Variants in STARD8 observed in about 807,000 individuals in gnomAD.
The protein encoded by STARD8 is StAR related lipid transfer domain containing 8, also known as stAR-related lipid transfer protein 8.
In STARD8, 25 loss-of-function variants were observed where a neutral mutation model predicts 69.4. That is an observed-to-expected ratio of 0.36 (90% CI 0.26 to 0.50). The LOEUF (loss-of-function observed/expected upper bound fraction) is 0.50. STARD8 is among the 20% of genes least tolerant of loss of function. STARD8 has a pLI of 0.96. For missense variants in STARD8, 921 were observed against 932.5 expected, an observed-to-expected ratio of 0.99 and a Z score of 0.16; for synonymous variants, 389 against 374.6, an observed-to-expected ratio of 1.04 and a Z score of -0.45.
At chrX:68,653,224 ACAC>A (rs765949269) in intron 1 of STARD8, among the ~76,000 whole-genome samples, 77 of 53,664 alleles carry the variant, frequency 1.4e-3, no homozygotes, top group African/African-American at 5.1e-3. Context: ...CACAACATAC[ACAC>A]CACACCACAC....
intron 2 of STARD8, among the ~76,000 whole-genome samples, chrX:68,690,434 G>T (rs1044710818): frequency 1.1e-4 from 12 of 107,772 alleles, no homozygotes; most frequent in East Asian, 5.8e-4. Context: ...AGGCAGGCAG[G>T]GCGGGGGGAC....
At chrX:68,723,521 C>T in intron 12 of STARD8, 105 bp from the exon 13 acceptor site, 1 of 697,698 alleles carries the variant, frequency 1.4e-6, no homozygotes, top group Non-Finnish European at 2.1e-6. Context: ...CTGCAGCCTA[C>T]CCTATTAAGC....
intron 2 of STARD8, among the ~76,000 whole-genome samples, chrX:68,690,447 T>C (rs2079869178): frequency 9.1e-6 from 1 of 109,402 alleles, no homozygotes; most frequent in Admixed American, 9.6e-5. Context: ...GGGGGGACTG[T>C]TGGGAGTCCT....
intron 1 of STARD8, among the ~76,000 whole-genome samples, chrX:68,663,852 G>A (rs956645009): frequency 4.5e-5 from 5 of 111,580 alleles, no homozygotes; most frequent in Non-Finnish European, 9.4e-5. Context: ...TGGTCACGCC[G>A]ATCTCATTCT....
At chrX:68,724,218 C>A in intron 14 of STARD8, 87 bp from the exon 15 acceptor site, 1 of 1,173,794 alleles carries the variant, frequency 8.5e-7, no homozygotes, top group Non-Finnish European at 1.2e-6. Flanking sequence ...ATCCCTGGGG[C>A]TGGGGACAAG....
At chrX:68,686,825 C>G (rs2079836317) in intron 2 of STARD8, among the ~76,000 whole-genome samples, 1 of 112,080 alleles carries the variant, frequency 8.9e-6, no homozygotes, top group African/African-American at 3.2e-5. Context: ...ATCCTCTTAT[C>G]CCAGCAGTCT....
intron 1 of STARD8, among the ~76,000 whole-genome samples, chrX:68,662,001 T>C (rs2079653265): frequency 1.0e-5 from 1 of 96,031 alleles, no homozygotes; most frequent in Non-Finnish European, 2.0e-5. Context: ...TCTTTCTTTC[T>C]TTCTTTCTTT....
chrX:68,648,334 G>A (rs915833570), intron 1 of STARD8, among the ~76,000 whole-genome samples: 79 of 112,240 alleles, frequency 7.0e-4, no homozygotes, highest in African/African-American at 2.4e-3. Context: ...GATAATGTGT[G>A]TAAGCTTCCT....
At chrX:68,689,186 G>C (rs907168686) in intron 2 of STARD8, among the ~76,000 whole-genome samples, 3 of 105,592 alleles carry the variant, frequency 2.8e-5, no homozygotes, top group Non-Finnish European at 3.9e-5. Context: ...GTGGGGCACC[G>C]GGGTGGACAT....
intron 2 of STARD8, among the ~76,000 whole-genome samples, chrX:68,679,376 C>T (rs1361487892): frequency 9.0e-6 from 1 of 111,702 alleles, no homozygotes; most frequent in Non-Finnish European, 1.9e-5. Context: ...GGCTCTTCCC[C>T]ACCCACTGAT....
At chrX:68,690,461 G>T (rs1424729753) in intron 2 of STARD8, among the ~76,000 whole-genome samples, 2 of 110,313 alleles carry the variant, frequency 1.8e-5, no homozygotes, top group South Asian at 3.9e-4. Flanking sequence ...GAGTCCTCAG[G>T]TAGGCCCTTA....
At chrX:68,715,583 C>T (rs1463443509) in intron 4 of STARD8, among the ~76,000 whole-genome samples, 2 of 112,574 alleles carry the variant, frequency 1.8e-5, no homozygotes, top group Admixed American at 9.3e-5. Context: ...CAAGATCTGG[C>T]CTTGTTTCTT....
intron 1 of STARD8, among the ~76,000 whole-genome samples, chrX:68,652,835 A>C (rs1322778486): frequency 1.2e-3 from 47 of 40,708 alleles, no homozygotes; most frequent in African/African-American, 4.0e-3. Context: ...CCCACACCCC[A>C]CACACACCCC....
intron 2 of STARD8, among the ~76,000 whole-genome samples, chrX:68,703,300 G>A (rs757572623): frequency 8.9e-6 from 1 of 112,144 alleles, no homozygotes; most frequent in African/African-American, 3.2e-5. Flanking sequence ...TGACAAATAG[G>A]CTACGTCTTC....
intron 2 of STARD8, among the ~76,000 whole-genome samples, chrX:68,712,473 G>C (rs1167385848): frequency 8.9e-6 from 1 of 112,740 alleles, no homozygotes; most frequent in East Asian, 2.8e-4. Flanking sequence ...GAGAATGATA[G>C]GAATGGTTGA....
At chrX:68,653,123 ACACACACACCACACAC>A (rs2079574020) in intron 1 of STARD8, among the ~76,000 whole-genome samples, 2 of 46,639 alleles carry the variant, frequency 4.3e-5, no homozygotes, top group African/African-American at 9.1e-5. Context: ...ACCACACACC[ACACACACACCACACAC>A]CACACACACC....
intron 2 of STARD8, among the ~76,000 whole-genome samples, chrX:68,679,687 C>A (rs1030719624): frequency 2.7e-5 from 3 of 112,239 alleles, no homozygotes; most frequent in Non-Finnish European, 3.8e-5. Context: ...TGAGACAAAG[C>A]CCTATCCACA....
intron 10 of STARD8, 132 bp from the exon 11 acceptor site, chrX:68,721,915 C>G (rs888514015): frequency 5.0e-6 from 4 of 794,722 alleles, no homozygotes; most frequent in Non-Finnish European, 5.4e-6. Context: ...GCAGGGCCTT[C>G]CAAAAGGCAG....
chrX:68,689,669 C>T lies in STARD8; in HGVS notation c.80-23245C>T, dbSNP rs558712907. On this transcript the variant is annotated intron_variant, in intron 2 of 14. Coordinates refer to ENST00000374599, the MANE Select transcript of STARD8 (RefSeq NM_001142503.3). ...TGAATCTCCCCTGGCCTGGGCCTGGCTGGGCCTGTGCTCCAGAGTCCCTCA... is the reference window on the plus strand; with the variant it reads ...TGAATCTCCCCTGGCCTGGGCCTGGTTGGGCCTGTGCTCCAGAGTCCCTCA... Among the ~76,000 whole-genome samples the T allele has an allele frequency of 5.8e-3, 649 of 112,238 alleles. 2 individuals carry two copies. The highest frequency in any genetic ancestry group is 0.02 in the African/African-American group (614 of 30,888).
Sources: gnomAD v4.1 joint callset for allele counts (sites outside exome capture counted in the v4.1 genomes callset) on GRCh38, gnomAD v4.1.1 for gene constraint, MANE v1.5 for transcripts, NCBI Gene and HGNC (gene_info 2026-07-23, HGNC 2026-07-21) for gene names.